ARPP21: variants seen among roughly 807,000 people sequenced by gnomAD.
ARPP21 encodes the protein cAMP regulated phosphoprotein 21.
A neutral mutation model predicts 113.2 loss-of-function variants in ARPP21; 69 were observed. The ratio of observed to expected loss-of-function variants is 0.61; its 90% CI spans 0.50 to 0.74. The LOEUF (loss-of-function observed/expected upper bound fraction) is 0.74. Ranked by LOEUF, ARPP21 falls within the 30% of genes least tolerant of loss-of-function variation. The pLI is 0.00. For synonymous variants in ARPP21, 368 were observed against 375.5 expected (o/e 0.98, Z 0.23); for missense variants, 1,070 against 1,037.4 (o/e 1.03, Z -0.43).
intron 19 of ARPP21, among the ~76,000 whole-genome samples, chr3:35,777,361 A>G (rs1205379615): frequency 2.6e-5 from 4 of 152,192 alleles, no homozygotes; most frequent in African/African-American, 9.7e-5. Flanking sequence ...CCCAGTTAAT[A>G]AGCAAGAAAA....
At chr3:35,708,299 T>G (rs1343820119) in intron 10 of ARPP21, among the ~76,000 whole-genome samples, 1 of 152,186 alleles carries the variant, frequency 6.6e-6, no homozygotes, top group Non-Finnish European at 1.5e-5. Context: ...AGAGCAGTCC[T>G]CATGCTGGGT....
In ARPP21 at chr3:35,673,558, A is replaced by T. The variant is rs543539949; in HGVS notation, c.-212-6229A>T. ...TTATGGTAGCAAATACAAAGTATTG[A>T]CATAAAACAAAGATGTCATAGCAAT... On this transcript the variant is annotated intron_variant, in intron 1 of 20. Transcript: ENST00000684406. Among the ~76,000 whole-genome samples, 127 of 152,144 alleles carry T rather than the reference A, an allele frequency of 8.3e-4. 1 individual carries two copies. The highest frequency in any genetic ancestry group is 2.2e-3 in the African/African-American group (90 of 41,548).
intron 19 of ARPP21, among the ~76,000 whole-genome samples, chr3:35,758,003 A>G (rs886419579): frequency 6.6e-6 from 1 of 152,194 alleles, no homozygotes; most frequent in Non-Finnish European, 1.5e-5. Flanking sequence ...GACAATATAC[A>G]GGAATCAACT....
chr3:35,692,144 A>G (rs991260951), intron 9 of ARPP21, among the ~76,000 whole-genome samples: 21 of 151,642 alleles, frequency 1.4e-4, no homozygotes, highest in African/African-American at 4.8e-4. Context: ...AATTACTTAT[A>G]TATCTGCAGG....
At chr3:35,721,489 G>A in intron 13 of ARPP21, 116 bp from the exon 14 acceptor site, 2 of 640,806 alleles carry the variant, frequency 3.1e-6, no homozygotes, top group African/African-American at 1.8e-5. Context: ...GAAAAGGGTT[G>A]GCAGGAAGGG....
chr3:35,715,700 C>T (rs1453389273), intron 12 of ARPP21: 1 of 355,722 alleles, frequency 2.8e-6, no homozygotes, highest in South Asian at 5.5e-5. Flanking sequence ...AATTGTAAAA[C>T]TTTTTCTTAT....
At chr3:35,689,437 C>T in intron 7 of ARPP21, 52 bp downstream of exon 7, 1 of 916,362 alleles carries the variant, frequency 1.1e-6, no homozygotes, top group South Asian at 1.3e-5. Flanking sequence ...TAGAATATTA[C>T]AATCAAAGTT....
At chr3:35,684,349 G>T (rs1393371189) in intron 5 of ARPP21, 3 of 1,038,416 alleles carry the variant, frequency 2.9e-6, no homozygotes, top group Non-Finnish European at 3.5e-6. Flanking sequence ...AAATGAATCT[G>T]AGCTGATGGT....
intron 13 of ARPP21, among the ~76,000 whole-genome samples, chr3:35,720,885 C>G (rs1398509212): frequency 6.6e-6 from 1 of 152,062 alleles, no homozygotes; most frequent in Non-Finnish European, 1.5e-5. Context: ...TTTGTTATTT[C>G]CATTGTTCCC....
intron 1 of ARPP21, among the ~76,000 whole-genome samples, chr3:35,646,746 G>C (rs1475236614): frequency 6.6e-6 from 1 of 152,018 alleles, no homozygotes; most frequent in African/African-American, 2.4e-5. Context: ...TGGCCTATAG[G>C]AATGATCAAG....
intron 10 of ARPP21, 27 bp downstream of exon 10, chr3:35,707,109 G>C: frequency 6.4e-7 from 1 of 1,561,390 alleles, no homozygotes; most frequent in Non-Finnish European, 8.8e-7. Flanking sequence ...GAGAGTGGCT[G>C]ACATTGTTGT....
chr3:35,650,336 G>A (rs1701911326), intron 1 of ARPP21: 1 of 151,988 alleles, frequency 6.6e-6, no homozygotes, highest in African/African-American at 2.4e-5. Flanking sequence ...AGTTTTCTAT[G>A]TATTGTGTCT....
At chr3:35,659,332 C>T (rs1706549806) in intron 1 of ARPP21, among the ~76,000 whole-genome samples, 2 of 152,070 alleles carry the variant, frequency 1.3e-5, no homozygotes. Flanking sequence ...GCCTTCAAAA[C>T]ACATTTTAAA....
At chr3:35,685,452 G>T in intron 5 of ARPP21, 1 of 985,164 alleles carries the variant, frequency 1.0e-6, no homozygotes, top group Non-Finnish European at 1.2e-6. Flanking sequence ...CCTTTTTAGA[G>T]AATAAAGAAA....
At chr3:35,656,638 G>A (rs190412649) in intron 1 of ARPP21, among the ~76,000 whole-genome samples, 135 of 152,058 alleles carry the variant, frequency 8.9e-4, no homozygotes, top group African/African-American at 2.4e-3. Flanking sequence ...GGGCAGATTG[G>A]TGACTGCTAG....
chr3:35,721,682 A>G lies in ARPP21; in HGVS notation c.1073A>G (p.His358Arg). ...GAAAATGAACTCAAGTGGTCTGACC[A>G]CCAAAGGGCCTGGAGCAGCACAGAC... ...SSENELKWSD[H>R]QRAWSSTDSD... The change falls in exon 14 of 21, where the codon CAC becomes CGC. Residue 358 changes from histidine to arginine, a missense_variant. By Grantham distance (29) the His-to-Arg change is conservative. Coordinates refer to ENST00000684406, the MANE Select transcript of ARPP21 (RefSeq NM_001385562.1). 6.2e-7 allele frequency: 1 copy of G among 1,613,982 alleles called. No homozygotes were observed. Among genetic ancestry groups the G allele is most frequent in the East Asian group, 2.2e-5 (1 of 44,852 alleles).
intron 1 of ARPP21, among the ~76,000 whole-genome samples, chr3:35,648,489 C>T (rs1701122570): frequency 6.6e-6 from 1 of 152,142 alleles, no homozygotes; most frequent in African/African-American, 2.4e-5. Context: ...GGAGCTTTGG[C>T]CTCACCAAGG....
At chr3:35,657,091 T>C (rs1464798733) in intron 1 of ARPP21, among the ~76,000 whole-genome samples, 2 of 152,066 alleles carry the variant, frequency 1.3e-5, no homozygotes, top group East Asian at 3.9e-4. Context: ...CCTTCCCCTA[T>C]TTTCTCATTC....
intron 1 of ARPP21, among the ~76,000 whole-genome samples, chr3:35,648,562 G>A (rs1701151118): frequency 6.6e-6 from 1 of 152,164 alleles, no homozygotes; most frequent in Non-Finnish European, 1.5e-5. Flanking sequence ...TGAGCTGTTT[G>A]GACAGGGCCG....
Sources: gnomAD v4.1 joint callset for allele counts (sites outside exome capture counted in the v4.1 genomes callset) on GRCh38, gnomAD v4.1.1 for gene constraint, MANE v1.5 for transcripts, NCBI Gene and HGNC (gene_info 2026-07-23, HGNC 2026-07-21) for gene names.